Variants in PLAGL1 observed in about 807,000 individuals in gnomAD.
The protein encoded by PLAGL1 is PLAG1 like zinc finger 1.
A neutral mutation model predicts 4.6 loss-of-function variants in PLAGL1; 1 was observed. The ratio of observed to expected loss-of-function variants is 0.22; its 90% CI spans 0.08 to 1.03. The LOEUF is 1.03. Ranked by LOEUF, PLAGL1 falls within the 50% of genes least tolerant of loss-of-function variation. The probability of loss-of-function intolerance (pLI) is 0.58; values close to 1 mark genes in which losing one functional copy is unlikely to be tolerated. For missense variants in PLAGL1, 464 were observed against 570.4 expected (o/e 0.81, Z 1.90); for synonymous variants, 240 against 237.8 (o/e 1.01, Z -0.08).
In PLAGL1 at chr6:143,957,889, A is replaced by G. The variant is rs758737141; in HGVS notation, c.-325+2580T>C. ...TGACACTGGATTTATAGATGACCTC[A>G]TTGTTTATTTTTTGAATATCTGCAC... On this transcript the variant is annotated intron_variant, in intron 6 of 7. Coordinates refer to ENST00000674357, the MANE Select transcript of PLAGL1 (RefSeq NM_001317162.2). This position sits in a 1 kb window ranked among gnomAD's most constrained non-coding sequence, Gnocchi z 4.2. 2.6e-5 allele frequency among the ~76,000 whole-genome samples: 4 copies of G among 152,244 alleles called. No individual in the cohort carries two copies. Among genetic ancestry groups the G allele is most frequent in the Non-Finnish European group, 5.9e-5 (4 of 68,046 alleles).
intron 1 of PLAGL1, among the ~76,000 whole-genome samples, chr6:144,025,964 G>T (rs1796312106): frequency 6.6e-6 from 1 of 152,130 alleles, no homozygotes; most frequent in South Asian, 2.1e-4. Context: ...CAGTCAGTCT[G>T]GGAATACTGC....
At chr6:144,023,680 G>A (rs1284391093) in intron 1 of PLAGL1, among the ~76,000 whole-genome samples, 1 of 151,712 alleles carries the variant, frequency 6.6e-6, no homozygotes, top group East Asian at 1.9e-4. Flanking sequence ...TCTCTGTTAG[G>A]GAAATTACAG....
chr6:143,947,191 A>G lies in PLAGL1; in HGVS notation c.152+794T>C, dbSNP rs1779975938. 6.6e-6 allele frequency among the ~76,000 whole-genome samples: 1 copy of G among 151,972 alleles called. No homozygotes were observed. Among genetic ancestry groups the G allele is most frequent in the South Asian group, 2.1e-4 (1 of 4,812 alleles). On this transcript the variant is annotated intron_variant, in intron 7 of 7. Transcript: ENST00000674357. This position sits in a 1 kb window ranked among gnomAD's most constrained non-coding sequence, Gnocchi z 4.3. ...GCTGCTCATCTGCATACCCACCTGA[A>G]CTCCACTTACTAGGGTGGCTTTCCA...
chr6:143,987,421 T>A (rs1019622573), intron 1 of PLAGL1, among the ~76,000 whole-genome samples: 35 of 137,336 alleles, frequency 2.5e-4, no homozygotes, highest in African/African-American at 7.2e-4. Context: ...AGATCTGGCA[T>A]GTGCCACCAC....
At position 143,989,556 on chromosome 6, in the gene PLAGL1, T is replaced by A. The variant is rs1005193670; in HGVS notation, c.-583-4382A>T. On this transcript the variant is annotated intron_variant, in intron 1 of 7. Coordinates refer to ENST00000674357, the MANE Select transcript of PLAGL1 (RefSeq NM_001317162.2). This position sits in a 1 kb window ranked among gnomAD's most constrained non-coding sequence, Gnocchi z 4.8. ...CTTGGACTGGGATTTATACCCCTGG[T>A]TCCTCTGCTTCTCAGGCGTTCAGCC... 1.3e-5 allele frequency among the ~76,000 whole-genome samples: 2 copies of A among 152,222 alleles called. No homozygotes were observed. Among genetic ancestry groups the A allele is most frequent in the Non-Finnish European group, 2.9e-5 (2 of 68,048 alleles).
At chr6:143,987,229 G>T (rs1789388256) in intron 1 of PLAGL1, among the ~76,000 whole-genome samples, 1 of 151,676 alleles carries the variant, frequency 6.6e-6, no homozygotes, top group Non-Finnish European at 1.5e-5. Context: ...TTTATTTAGA[G>T]ACAGGGTCTC....
intron 1 of PLAGL1, among the ~76,000 whole-genome samples, chr6:144,003,425 C>G (rs1379196209): frequency 6.6e-6 from 1 of 152,092 alleles, no homozygotes. Flanking sequence ...GAGATCAAGA[C>G]CATCCTGGCC....
At chr6:144,037,471 C>T (rs960755698) in intron 1 of PLAGL1, 1 of 150,786 alleles carries the variant, frequency 6.6e-6, no homozygotes, top group African/African-American at 2.4e-5. Flanking sequence ...ACCTGTAGTC[C>T]CAGCTACTTA....
At chr6:144,011,292 A>G (rs1336235156), upstream of PLAGL1, among the ~76,000 whole-genome samples, 1 of 152,270 alleles carries the variant, frequency 6.6e-6, no homozygotes, top group Non-Finnish European at 1.5e-5. The surrounding 1 kb of genome is among the most constrained non-coding windows in gnomAD (Gnocchi z 4.3). Context: ...TGGGCAAAGG[A>G]TATGAACAGA....
rs1278376645 is a variant in PLAGL1 at position 143,952,857 on chromosome 6, A to G, written c.-324-4397T>C. On this transcript the variant is annotated intron_variant, in intron 6 of 7. Coordinates refer to ENST00000674357, the MANE Select transcript of PLAGL1 (RefSeq NM_001317162.2). This position sits in a 1 kb window ranked among gnomAD's most constrained non-coding sequence, Gnocchi z 6.1. The stretch of plus-strand genomic sequence containing the variant: ...GTCTTCCAACAAGGGTGTTTTTCTC[A>G]ATATCAGTTCTTTGAAGGACTTTGG... Among the ~76,000 whole-genome samples, 1 of 152,230 alleles carries G rather than the reference A, an allele frequency of 6.6e-6. No individual in the cohort carries two copies. The highest frequency in any genetic ancestry group is 1.5e-5 in the Non-Finnish European group (1 of 68,040).
At chr6:143,977,455 TTTC>T (rs1329573589) in intron 2 of PLAGL1, among the ~76,000 whole-genome samples, 5 of 137,240 alleles carry the variant, frequency 3.6e-5, no homozygotes, top group East Asian at 2.2e-4. Context: ...TTTTTATTTT[TTTC>T]TTCTTCTTCT....
rs1778337039 is a variant in PLAGL1 at position 143,940,413 on chromosome 6, T to TTAA, written c.*1008_*1010dup. On this transcript the variant is annotated 3_prime_UTR_variant, in exon 8 of 8. Transcript: ENST00000674357. ...TTAGGTTTTACATCTTTAAAACTCA[T>TTAA]TAATAAGATACCAAATTCAAGAGAT... The TTAA allele has an allele frequency of 6.6e-6, 1 of 152,214 alleles. No individual in the cohort carries two copies. Among genetic ancestry groups the TTAA allele is most frequent in the African/African-American group, 2.4e-5 (1 of 41,462 alleles). The allele number at this position is 152,214 out of a possible 1,614,324, so 9.4% of individuals were successfully genotyped here.
Position 143,953,335 on chromosome 6 carries a change from A to G in PLAGL1, c.-324-4875T>C, listed in dbSNP as rs1469094171. The stretch of plus-strand genomic sequence containing the variant: ...GGTTTGTTGCCTATAGATTCTTTTC[A>G]GCTGTCACCTTGAAAGACTGAATTT... On this transcript the variant is annotated intron_variant, in intron 6 of 7. Transcript: ENST00000674357. This position sits in a 1 kb window ranked among gnomAD's most constrained non-coding sequence, Gnocchi z 5.3. Among the ~76,000 whole-genome samples, 1 of 152,228 alleles carries G rather than the reference A, an allele frequency of 6.6e-6. No individual in the cohort carries two copies. The highest frequency in any genetic ancestry group is 1.5e-5 in the Non-Finnish European group (1 of 68,048).
intron 1 of PLAGL1, among the ~76,000 whole-genome samples, chr6:144,062,510 T>C (rs57992649): frequency 0.18 from 24,930 of 139,580 alleles, 2,277 homozygotes; most frequent in East Asian, 0.37. Context: ...GATTTGACTA[T>C]ACAGTGAATC....
chr6:143,946,698 T>C (rs752048320), intron 7 of PLAGL1, among the ~76,000 whole-genome samples: 6 of 152,244 alleles, frequency 3.9e-5, no homozygotes, highest in African/African-American at 9.6e-5. Context: ...ATGTGGTCTA[T>C]GGTAATACCA....
rs754310525 is a variant in PLAGL1 at position 144,022,271 on chromosome 6, A to G, written c.-151+42197T>C. ...TCACCAGAGGAGATATGTAGATGGC[A>G]TGTAAGCATATGAAAAGATGTTCAG... is the stretch of plus-strand genomic sequence containing the variant. On this transcript the variant is annotated intron_variant, in intron 1 of 3. Transcript: ENST00000437412. This position sits in a 1 kb window ranked among gnomAD's most constrained non-coding sequence, Gnocchi z 4.2. 2.0e-5 allele frequency among the ~76,000 whole-genome samples: 3 copies of G among 152,266 alleles called. No homozygotes were observed. In the South Asian group the frequency reaches 6.2e-4, roughly 31 times the overall value.
chr6:143,942,519 C>T lies in PLAGL1; in HGVS notation c.297G>A (p.Lys99=), dbSNP rs776006127. ...MAFGCEECGK[K]YNTMLGYKRH... is the part of the protein sequence containing the mutation. ...TCTTATAGCCCAGCATGGTGTTGTA[C>T]TTCTTCCCACACTCCTCACACCCAA... is the stretch of plus-strand genomic sequence containing the variant. Residue 99 remains lysine (K), a synonymous_variant, in exon 8 of 8, where the codon AAG becomes AAA. Transcript: ENST00000674357. The surrounding 1 kb of genome is among the most constrained non-coding windows in gnomAD (Gnocchi z 7.6). 1 of 1,614,148 alleles carries T rather than the reference C, an allele frequency of 6.2e-7. No individual in the cohort carries two copies. Among genetic ancestry groups the T allele is most frequent in the South Asian group, 1.1e-5 (1 of 91,080 alleles).
intron 1 of PLAGL1, among the ~76,000 whole-genome samples, chr6:144,030,786 G>C (rs1488531638): frequency 1.3e-5 from 2 of 152,178 alleles, no homozygotes; most frequent in African/African-American, 2.4e-5. Flanking sequence ...TTGCAATTGT[G>C]CTGCTATAAA....
chr6:144,013,832 C>T lies in PLAGL1; in HGVS notation c.-150-44854G>A, dbSNP rs1324139034. Among the ~76,000 whole-genome samples the T allele has an allele frequency of 2.0e-5, 3 of 152,194 alleles. No individual in the cohort carries two copies. The highest frequency in any genetic ancestry group is 2.9e-5 in the Non-Finnish European group (2 of 68,038). ...CACTGAAATAACTGAAGGTGGTCTC[C>T]TCATTTCAAGATCCGTAACTTAAGT... On this transcript the variant is annotated intron_variant, in intron 1 of 3. Coordinates refer to the PLAGL1 transcript ENST00000437412. The surrounding 1 kb of genome is among the most constrained non-coding windows in gnomAD (Gnocchi z 4.4).
Sources: allele counts gnomAD v4.1 joint callset (sites outside exome capture counted in the v4.1 genomes callset), GRCh38; gene constraint gnomAD v4.1.1; non-coding constraint Gnocchi (gnomAD v3.1); transcripts MANE v1.5; gene names NCBI Gene and HGNC (gene_info 2026-07-23, HGNC 2026-07-21).